Variants in ELFN2 observed in about 807,000 individuals in gnomAD.
The protein encoded by ELFN2 is extracellular leucine rich repeat and fibronectin type III domain containing 2.
ELFN2 carries 17 observed loss-of-function variants against 45.5 expected under a neutral mutation model. The ratio of observed to expected loss-of-function variants is 0.37; its 90% CI spans 0.26 to 0.56. The LOEUF (loss-of-function observed/expected upper bound fraction) is 0.56, where lower values mean the gene tolerates loss of function less well. Among genes scored for constraint, ELFN2 ranks in the 20% least tolerant of loss-of-function variants. The pLI is 0.77. For missense variants in ELFN2, 922 were observed against 1,183.2 expected (o/e 0.78, Z 3.24); for synonymous variants, 550 against 551.5 (o/e 1.00, Z 0.04).
At chr22:37,410,179 C>A (rs983738456) in intron 2 of ELFN2, among the ~76,000 whole-genome samples, 1 of 152,120 alleles carries the variant, frequency 6.6e-6, no homozygotes, top group South Asian at 2.1e-4. Flanking sequence ...CGGGGCAGGG[C>A]CAGAGAGATG....
chr22:37,358,841 G>C lies in ELFN2; in HGVS notation n.149-16138C>G, dbSNP rs943581923. ...GGGAATGGGTACATGGAGAGGAGCA[G>C]CCAGATTGAGATGAGTTGTCAAGAT... is the stretch of plus-strand genomic sequence containing the variant. On this transcript the variant is annotated intron_variant and non_coding_transcript_variant, in intron 1 of 2. Coordinates refer to ENST00000452946, the Ensembl canonical transcript of ELFN2. Among the ~76,000 whole-genome samples, 7 of 152,356 alleles carry C rather than the reference G, an allele frequency of 4.6e-5. No individual in the cohort carries two copies. The East Asian group carries it at 1.3e-3, about 29-fold the overall frequency.
At chr22:37,347,052 C>T (rs1930714478) in intron 1 of ELFN2, among the ~76,000 whole-genome samples, 1 of 152,096 alleles carries the variant, frequency 6.6e-6, no homozygotes. Flanking sequence ...GATCTCAGCT[C>T]ACTGCAACCT....
downstream of ELFN2, among the ~76,000 whole-genome samples, chr22:37,367,409 AGGGGT>A (rs1931229456): frequency 6.6e-6 from 1 of 152,092 alleles, no homozygotes; most frequent in African/African-American, 2.4e-5. Context: ...GCACCAGAGG[AGGGGT>A]GGGCCAGGGG....
chr22:37,372,962 T>G lies in ELFN2; in HGVS notation c.*110A>C. 7.7e-7 allele frequency: 1 copy of G among 1,302,624 alleles called. No homozygotes were observed. The highest frequency in any genetic ancestry group is 1.5e-5 in the South Asian group (1 of 66,436). The allele number at this position is 1,302,624 out of a possible 1,614,324, so 80.7% of individuals were successfully genotyped here. The stretch of plus-strand genomic sequence containing the variant: ...TGCGTGCGGGTCTGCATGTGCGTCC[T>G]CTCCTGGGCCTTGGCCCCCGAGTCT... On this transcript the variant is annotated 3_prime_UTR_variant, in exon 3 of 3. Coordinates refer to ENST00000402918, the MANE Select transcript of ELFN2 (RefSeq NM_052906.5). This position sits in a 1 kb window ranked among gnomAD's most constrained non-coding sequence, Gnocchi z 4.4.
chr22:37,356,027 G>A (rs1305695803), intron 1 of ELFN2, among the ~76,000 whole-genome samples: 1 of 152,260 alleles, frequency 6.6e-6, no homozygotes, highest in East Asian at 1.9e-4. Flanking sequence ...CAGGACTTGA[G>A]TGCAGGTGTT....
chr22:37,381,316 G>T (rs1569134723), intron 2 of ELFN2, among the ~76,000 whole-genome samples: 1 of 75,266 alleles, frequency 1.3e-5, no homozygotes. Flanking sequence ...TGGGTTTTCT[G>T]CCCCTGTCAG....
chr22:37,381,764 A>C (rs1417741385), intron 2 of ELFN2, among the ~76,000 whole-genome samples: 1 of 151,992 alleles, frequency 6.6e-6, no homozygotes, highest in Admixed American at 6.6e-5. Context: ...TTCTCAGGAC[A>C]TGCTGTGTGG....
At chr22:37,362,321 C>T (rs918402756) in intron 1 of ELFN2, among the ~76,000 whole-genome samples, 1 of 152,232 alleles carries the variant, frequency 6.6e-6, no homozygotes, top group South Asian at 2.1e-4. Flanking sequence ...AACTGCCAGA[C>T]GTAACCTCTT....
intron 2 of ELFN2, among the ~76,000 whole-genome samples, chr22:37,395,895 T>G (rs1169842185): frequency 3.3e-5 from 5 of 152,092 alleles, no homozygotes; most frequent in Admixed American, 6.5e-5. Context: ...CTGTCTGCTG[T>G]CAGCACAAGC....
chr22:37,393,211 A>C (rs933336795), intron 2 of ELFN2, among the ~76,000 whole-genome samples: 2 of 152,210 alleles, frequency 1.3e-5, no homozygotes, highest in African/African-American at 4.8e-5. Context: ...TGGCCTCGTC[A>C]AGGTGGCCCT....
chr22:37,388,133 T>C (rs1311558313), intron 2 of ELFN2, among the ~76,000 whole-genome samples: 1 of 151,800 alleles, frequency 6.6e-6, no homozygotes, highest in Non-Finnish European at 1.5e-5. Context: ...GAAGATGAAC[T>C]TTCTAGAACA....
chr22:37,397,572 C>A (rs1932248310), intron 2 of ELFN2, among the ~76,000 whole-genome samples: 1 of 152,152 alleles, frequency 6.6e-6, no homozygotes, highest in Non-Finnish European at 1.5e-5. Context: ...GTGGACAGAG[C>A]CCCTGCTGGA....
intron 1 of ELFN2, among the ~76,000 whole-genome samples, chr22:37,344,453 G>C (rs1930647739): frequency 6.6e-6 from 1 of 151,928 alleles, no homozygotes; most frequent in Admixed American, 6.5e-5. Context: ...AGGGCACTGG[G>C]AGTGGACAGG....
At position 37,373,813 on chromosome 22, in the gene ELFN2, C is replaced by T; in HGVS notation, c.1722G>A (p.Leu574=). Residue 574 remains leucine, a synonymous_variant, in exon 3 of 3, where the codon CTG becomes CTA. Coordinates refer to ENST00000402918, the MANE Select transcript of ELFN2 (RefSeq NM_052906.5). ...GGGSSSGDPE[L]AFECQSLPAA... ...CAGGGAGGGACTGGCACTCGAAGGC[C>T]AGCTCGGGGTCCCCACTGCTGCTGC... The T allele has an allele frequency of 6.2e-7, 1 of 1,612,516 alleles. No homozygotes were observed. Among genetic ancestry groups the T allele is most frequent in the South Asian group, 1.1e-5 (1 of 91,064 alleles).
At position 37,351,977 on chromosome 22, in the gene ELFN2, A is replaced by G. The variant is rs948052036; in HGVS notation, n.149-9274T>C. Among the ~76,000 whole-genome samples, 26 of 150,772 alleles carry G rather than the reference A, an allele frequency of 1.7e-4. 2 individuals carry two copies. The highest frequency in any genetic ancestry group is 5.3e-4 in the African/African-American group (22 of 41,312). The stretch of plus-strand genomic sequence containing the variant: ...GCCCCCGAGTAGACTGGGCTGCCCA[A>G]CTCGGAGCTGGCAGCCACCCAGGAC... On this transcript the variant is annotated intron_variant and non_coding_transcript_variant, in intron 1 of 2. Transcript: ENST00000452946.
intron 2 of ELFN2, among the ~76,000 whole-genome samples, chr22:37,410,966 G>A (rs1397687221): frequency 6.6e-6 from 1 of 152,176 alleles, no homozygotes; most frequent in East Asian, 1.9e-4. Context: ...CCTCAGAGGT[G>A]ACTCTAGAAG....
chr22:37,388,324 C>T lies in ELFN2; in HGVS notation c.-462-12328G>A, dbSNP rs578032774. On this transcript the variant is annotated intron_variant, in intron 2 of 2. Transcript: ENST00000402918. ...GGGTCTCTCCTGTGGGTTCCCACAG[C>T]CCCCTGTGCTTCCTCCATCACAACC... is the stretch of plus-strand genomic sequence containing the variant. Among the ~76,000 whole-genome samples the T allele has an allele frequency of 3.9e-5, 6 of 152,272 alleles. No individual in the cohort carries two copies. The South Asian group carries it at 1.2e-3, about 32-fold the overall frequency.
intron 2 of ELFN2, among the ~76,000 whole-genome samples, chr22:37,383,563 T>A (rs567478168): frequency 6.6e-6 from 1 of 152,350 alleles, no homozygotes. Flanking sequence ...CATGACTGCA[T>A]CTGTGTCACA....
downstream of ELFN2, among the ~76,000 whole-genome samples, chr22:37,366,883 TAGA>T (rs1411992191): frequency 6.6e-6 from 1 of 151,990 alleles, no homozygotes; most frequent in East Asian, 1.9e-4. Flanking sequence ...GCTCAGGCAG[TAGA>T]AGGTGAGCGG....
Sources: gnomAD v4.1 joint callset for allele counts (sites outside exome capture counted in the v4.1 genomes callset) on GRCh38, gnomAD v4.1.1 for gene constraint, Gnocchi (gnomAD v3.1) non-coding constraint, MANE v1.5 for transcripts, NCBI Gene and HGNC (gene_info 2026-07-23, HGNC 2026-07-21) for gene names.